The following LRP5 variants were observed in gnomAD, a reference collection of about 807,000 sequenced individuals.
LRP5 encodes LDL receptor related protein 5.
LRP5 carries 62 observed loss-of-function variants against 154.1 expected under a neutral mutation model. The ratio of observed to expected loss-of-function variants is 0.40; its 90% CI spans 0.33 to 0.50. LRP5 has a LOEUF of 0.50. Ranked by LOEUF, LRP5 falls within the 20% of genes least tolerant of loss-of-function variation. The pLI is 0.55. For synonymous variants in LRP5, 966 were observed against 1,011.5 expected (o/e 0.96, Z 0.85); for missense variants, 1,915 against 2,336.7 (o/e 0.82, Z 3.72).
intron 1 of LRP5, among the ~76,000 whole-genome samples, chr11:68,344,185 G>C (rs2098610819): frequency 6.6e-6 from 1 of 152,178 alleles, no homozygotes; most frequent in African/African-American, 2.4e-5. Flanking sequence ...TTCGTTATCT[G>C]TTTGGACCTG....
the LRP5 span, among the ~76,000 whole-genome samples, chr11:68,299,587 T>C: frequency 1.4e-5 from 2 of 138,068 alleles, no homozygotes; most frequent in Non-Finnish European, 3.1e-5. Flanking sequence ...GGGCCAGTCT[T>C]TTTTTTTTTT....
At chr11:68,406,077 A>T (rs1236183071) in intron 8 of LRP5, among the ~76,000 whole-genome samples, 1 of 152,188 alleles carries the variant, frequency 6.6e-6, no homozygotes, top group African/African-American at 2.4e-5. Flanking sequence ...AAAAATGGGG[A>T]TGAGAATAGC....
chr11:68,417,448 G>GTTTTTT (rs1565095730), intron 13 of LRP5, among the ~76,000 whole-genome samples: 1 of 40,382 alleles, frequency 2.5e-5, no homozygotes, highest in African/African-American at 7.7e-5. Context: ...GAACAGATTG[G>GTTTTTT]CTTTTTTTTT....
At chr11:68,368,260 T>C (rs1356569267) in intron 5 of LRP5, among the ~76,000 whole-genome samples, 1 of 152,012 alleles carries the variant, frequency 6.6e-6, no homozygotes, top group Non-Finnish European at 1.5e-5. Context: ...CAGATGGACA[T>C]AGGACAGACC....
chr11:68,432,971 T>C (rs561532746), intron 17 of LRP5, among the ~76,000 whole-genome samples: 1 of 152,308 alleles, frequency 6.6e-6, no homozygotes, highest in South Asian at 2.1e-4. Context: ...TTCAGCGCCC[T>C]CCCCGGGGGT....
At chr11:68,392,511 A>G (rs558595865) in intron 7 of LRP5, among the ~76,000 whole-genome samples, 1 of 152,226 alleles carries the variant, frequency 6.6e-6, no homozygotes, top group East Asian at 1.9e-4. Context: ...CTTGAAAAAT[A>G]AATAAATAAA....
intron 6 of LRP5, 50 bp from the exon 7 acceptor site, chr11:68,389,831 G>T (rs4988320): frequency 1.9e-6 from 3 of 1,606,426 alleles, no homozygotes. Flanking sequence ...TGGGGATGCT[G>T]CAGAGACCAG....
chr11:68,392,333 GTC>G (rs1004957012), intron 7 of LRP5, among the ~76,000 whole-genome samples: 11 of 151,726 alleles, frequency 7.2e-5, no homozygotes, highest in Non-Finnish European at 1.5e-4. Context: ...ATGAAATCCA[GTC>G]TCTACTAAAA....
chr11:68,404,324 CCT>C (rs1435084803), intron 8 of LRP5: 101 of 530,936 alleles, frequency 1.9e-4, no homozygotes, highest in African/African-American at 1.7e-3. Flanking sequence ...CCACACTGCA[CCT>C]GCTTGTCAGA....
At chr11:68,346,469 G>GCCC (rs1436692646) in intron 1 of LRP5, among the ~76,000 whole-genome samples, 1 of 152,236 alleles carries the variant, frequency 6.6e-6, no homozygotes, top group African/African-American at 2.4e-5. Context: ...CCATGCTCTG[G>GCCC]CCCTTTGTGT....
intron 21 of LRP5, among the ~76,000 whole-genome samples, chr11:68,443,590 T>A (rs1214274271): frequency 6.7e-4 from 26 of 38,672 alleles, no homozygotes; most frequent in East Asian, 3.0e-3. Flanking sequence ...TATATATTTT[T>A]TTTTTTTTTG....
intron 7 of LRP5, among the ~76,000 whole-genome samples, chr11:68,394,020 C>G (rs1026398172): frequency 6.6e-6 from 1 of 152,116 alleles, no homozygotes; most frequent in Non-Finnish European, 1.5e-5. Context: ...CAGGGGGTCT[C>G]TGAGCCGTCT....
At chr11:68,341,896 C>T (rs189711978) in intron 1 of LRP5, among the ~76,000 whole-genome samples, 105 of 152,254 alleles carry the variant, frequency 6.9e-4, no homozygotes, top group Non-Finnish European at 1.1e-3. Flanking sequence ...TTACCACCCA[C>T]GTGAATACGG....
At chr11:68,378,973 G>A (rs1210045718) in intron 5 of LRP5, among the ~76,000 whole-genome samples, 3 of 152,008 alleles carry the variant, frequency 2.0e-5, no homozygotes, top group African/African-American at 7.3e-5. Context: ...CTTGAACCCA[G>A]GAGACAGAGG....
rs751311955 is a variant in LRP5, at chr11:68,439,841, C to T, written c.4413C>T (p.Pro1471=). 4 of 1,610,400 alleles carry T rather than the reference C, an allele frequency of 2.5e-6. No homozygotes were observed. Among genetic ancestry groups the T allele is most frequent in the Middle Eastern group, 1.7e-4 (1 of 6,054 alleles). The change falls in exon 21 of 23, where the codon CCC becomes CCT. Residue 1471 remains proline, a synonymous_variant. Coordinates refer to ENST00000294304, the MANE Select transcript of LRP5 (RefSeq NM_002335.4). ...VSLMGGRGGV[P]LYDRNHVTGA... ...TGATGGGGGGCCGGGGCGGGGTGCC[C>T]CTCTACGACCGGAACCACGTCACAG...
At chr11:68,436,868 G>A in intron 18 of LRP5, 21 bp from the exon 19 acceptor site, 1 of 1,597,998 alleles carries the variant, frequency 6.3e-7, no homozygotes, top group South Asian at 1.1e-5. Flanking sequence ...GCCTCTCTGA[G>A]TGCATGGCCT....
At chr11:68,369,765 T>G (rs1392195785) in intron 5 of LRP5, among the ~76,000 whole-genome samples, 2 of 152,124 alleles carry the variant, frequency 1.3e-5, no homozygotes, top group Non-Finnish European at 2.9e-5. Flanking sequence ...GTGTGGGCCC[T>G]GATAAAATCC....
chr11:68,357,724 T>A lies in LRP5; in HGVS notation c.563T>A (p.Ile188Asn), dbSNP rs780636010. 4 of 1,614,054 alleles carry A rather than the reference T, an allele frequency of 2.5e-6. No individual in the cohort carries two copies. Among genetic ancestry groups the A allele is most frequent in the East Asian group, 2.2e-5 (1 of 44,900 alleles). Residue 188 changes from isoleucine to asparagine, a missense_variant, in exon 3 of 23, where the codon ATC (isoleucine) becomes AAC (asparagine). Physicochemically the swap from Ile to Asn is moderately radical, Grantham distance 149 (BLOSUM62 -3). Coordinates refer to ENST00000294304, the MANE Select transcript of LRP5 (RefSeq NM_002335.4). ...RAGMDGSTRK[I>N]IVDSDIYWPN... is the part of the protein sequence containing the mutation. ...GGGATGGATGGCAGCACCCGGAAGA[T>A]CATTGTGGACTCGGACATTTACTGG... is the stretch of plus-strand genomic sequence containing the variant.
chr11:68,437,084 C>A, intron 19 of LRP5, 85 bp downstream of exon 19: 1 of 1,170,690 alleles, frequency 8.5e-7, no homozygotes, highest in Non-Finnish European at 1.3e-6. Context: ...ACGTGCCTTT[C>A]CAGCGGGGCT....
Sources: gnomAD v4.1 joint callset for allele counts (sites outside exome capture counted in the v4.1 genomes callset) on GRCh38, gnomAD v4.1.1 for gene constraint, MANE v1.5 for transcripts, NCBI Gene and HGNC (gene_info 2026-07-23, HGNC 2026-07-21) for gene names.